PTK7: variants seen among roughly 807,000 people sequenced by gnomAD.
PTK7 encodes inactive tyrosine-protein kinase 7.
In PTK7, 39 loss-of-function variants were observed where a neutral mutation model predicts 116.6. The observed-to-expected ratio is 0.33, with a 90% CI of 0.26 to 0.44. The LOEUF (loss-of-function observed/expected upper bound fraction) is 0.44. Among genes scored for constraint, PTK7 ranks in the 20% least tolerant of loss-of-function variants. The pLI, the probability that PTK7 is intolerant of heterozygous loss-of-function variation, is 1.00. For missense variants in PTK7, 1,169 were observed against 1,425.6 expected (o/e 0.82, Z 2.90); for synonymous variants, 546 against 563.6 (o/e 0.97, Z 0.44).
At chr6:43,100,210 C>T (rs997407851) in intron 1 of PTK7, among the ~76,000 whole-genome samples, 3 of 151,786 alleles carry the variant, frequency 2.0e-5, no homozygotes, top group African/African-American at 4.8e-5. Context: ...AGTGAAACCC[C>T]GTCTCTACTA....
At chr6:43,138,688 G>A in intron 7 of PTK7, 161 bp from the exon 8 acceptor site, 1 of 984,388 alleles carries the variant, frequency 1.0e-6, no homozygotes. Flanking sequence ...TAAAAAAGGT[G>A]CTGGCACCTG....
intron 5 of PTK7, among the ~76,000 whole-genome samples, chr6:43,131,077 ACT>A (rs1769655553): frequency 7.0e-6 from 1 of 143,010 alleles, no homozygotes; most frequent in African/African-American, 2.7e-5. Flanking sequence ...ACACACACAC[ACT>A]TTTTAGAGGA....
intron 1 of PTK7, among the ~76,000 whole-genome samples, chr6:43,102,024 C>T (rs924825274): frequency 7.9e-5 from 12 of 151,588 alleles, no homozygotes; most frequent in African/African-American, 2.9e-4. Context: ...GGTGAGACCC[C>T]GTTTCTACTA....
At position 43,141,295 on chromosome 6, in the gene PTK7, G is replaced by A. The variant is rs745532698; in HGVS notation, c.1619-373G>A. 6.6e-6 allele frequency among the ~76,000 whole-genome samples: 1 copy of A among 152,144 alleles called. No individual in the cohort carries two copies. Among genetic ancestry groups the A allele is most frequent in the Non-Finnish European group, 1.5e-5 (1 of 68,038 alleles). On this transcript the variant is annotated intron_variant, in intron 10 of 19. Coordinates refer to ENST00000230419, the MANE Select transcript of PTK7 (RefSeq NM_002821.5). The surrounding 1 kb of genome is among the most constrained non-coding windows in gnomAD (Gnocchi z 4.9). ...AAGTAGGCTCCCTCTGCTCAGGTCT[G>A]GGGGAACTTTCTGGGAGAGGTGAGG...
chr6:43,114,322 G>A (rs1306446641), intron 1 of PTK7, among the ~76,000 whole-genome samples: 2 of 152,128 alleles, frequency 1.3e-5, no homozygotes, highest in African/African-American at 4.8e-5. Flanking sequence ...CTGTCTGCCA[G>A]GGCCTGGGTC....
chr6:43,102,402 G>A (rs1767634389), intron 1 of PTK7, among the ~76,000 whole-genome samples: 1 of 152,070 alleles, frequency 6.6e-6, no homozygotes, highest in Admixed American at 6.6e-5. Context: ...TCCAGCTTGG[G>A]CAACAGAGCA....
Position 43,076,532 on chromosome 6 carries a change from C to T in PTK7, c.44C>T (p.Pro15Leu), listed in dbSNP as rs574329102. 10 of 1,580,034 alleles carry T rather than the reference C, an allele frequency of 6.3e-6. No homozygotes were observed. The South Asian group carries it at 6.8e-5, about 11-fold the overall frequency. ...RGSPARPRRL[P>L]LLSVLLLPLL... ...TCCCCGGCCAGACCCCGCCGGTTGC[C>T]TCTGCTCAGCGTCCTGCTGCTGCCG... Residue 15 changes from proline (P) to leucine (L), a missense_variant, in exon 1 of 20, where the codon CCT becomes CTT. Physicochemically the swap from Pro to Leu is moderately conservative, Grantham distance 98. Coordinates refer to ENST00000230419, the MANE Select transcript of PTK7 (RefSeq NM_002821.5). This position sits in a 1 kb window ranked among gnomAD's most constrained non-coding sequence, Gnocchi z 5.7.
At position 43,129,795 on chromosome 6, in the gene PTK7, G is replaced by C. The variant is rs201897432; in HGVS notation, c.436G>C (p.Val146Leu). 2 of 1,614,106 alleles carry C rather than the reference G, an allele frequency of 1.2e-6. No homozygotes were observed. Among genetic ancestry groups the C allele is most frequent in the Non-Finnish European group, 1.7e-6 (2 of 1,180,044 alleles). Residue 146 changes from valine to leucine, a missense_variant, in exon 3 of 20, where the codon GTC becomes CTC. Val to Leu is a conservative substitution (Grantham distance 32). Coordinates refer to ENST00000230419, the MANE Select transcript of PTK7 (RefSeq NM_002821.5). The surrounding 1 kb of genome is among the most constrained non-coding windows in gnomAD (Gnocchi z 4.5). ...AGCTGAGATCCAGCCACAGACCCAG[G>C]TCACACTTCGTTGCCACATTGATGG... Reference protein sequence around the residue: ...SEAEIQPQTQVTLRCHIDGHP... With the variant: ...SEAEIQPQTQLTLRCHIDGHP...
chr6:43,096,231 C>T (rs1050924993), intron 1 of PTK7, among the ~76,000 whole-genome samples: 8 of 152,210 alleles, frequency 5.3e-5, no homozygotes, highest in African/African-American at 1.9e-4. Flanking sequence ...CCCCCTGAGC[C>T]TCAGGTTGGA....
intron 17 of PTK7, among the ~76,000 whole-genome samples, chr6:43,157,173 T>G (rs1036485189): frequency 6.1e-5 from 9 of 148,332 alleles, no homozygotes; most frequent in African/African-American, 1.2e-4. Context: ...TTGTGGTTTT[T>G]TTTTTTTTTT....
At chr6:43,103,156 G>A (rs1767675969) in intron 1 of PTK7, among the ~76,000 whole-genome samples, 1 of 152,122 alleles carries the variant, frequency 6.6e-6, no homozygotes, top group South Asian at 2.1e-4. Context: ...TCCATTCACA[G>A]AATCAATAAA....
At chr6:43,113,356 C>T (rs1768296221) in intron 1 of PTK7, among the ~76,000 whole-genome samples, 1 of 152,032 alleles carries the variant, frequency 6.6e-6, no homozygotes, top group Non-Finnish European at 1.5e-5. Flanking sequence ...TCACTTGAGC[C>T]CAGGAGGCAG....
chr6:43,151,915 G>T (rs1771129417), intron 17 of PTK7, among the ~76,000 whole-genome samples: 1 of 143,958 alleles, frequency 6.9e-6, no homozygotes, highest in Non-Finnish European at 1.5e-5. Context: ...CGGGATCTCG[G>T]CTCACTGCAA....
intron 1 of PTK7, among the ~76,000 whole-genome samples, chr6:43,079,980 G>A (rs1209991656): frequency 6.7e-6 from 1 of 149,736 alleles, no homozygotes. Context: ...AGTATTGCCT[G>A]AGCCCAGCAG....
At chr6:43,157,333 TA>T in intron 17 of PTK7, among the ~76,000 whole-genome samples, 1 of 824 alleles carries the variant, frequency 1.2e-3, no homozygotes, top group Non-Finnish European at 3.2e-3. Flanking sequence ...ACGCTATATA[TA>T]TATATATATA....
Position 43,142,002 on chromosome 6 carries a change from G to C in PTK7, c.1840G>C (p.Glu614Gln). 2.5e-6 allele frequency: 4 copies of C among 1,613,836 alleles called. No individual in the cohort carries two copies. The highest frequency in any genetic ancestry group is 3.4e-6 in the Non-Finnish European group (4 of 1,179,980). The change falls in exon 12 of 20, where the codon GAG (glutamate) becomes CAG (glutamine). Residue 614 changes from glutamate to glutamine, a missense_variant. By Grantham distance (29) the Glu-to-Gln change is conservative. Coordinates refer to ENST00000230419, the MANE Select transcript of PTK7 (RefSeq NM_002821.5). The stretch of plus-strand genomic sequence containing the variant: ...GGGCCACACAGCCCTACTGCAGTGC[G>C]AGGCCCAGGGGGACCCCAAGCCGCT... The part of the protein sequence containing the change: ...YQGHTALLQC[E>Q]AQGDPKPLIQ...
rs181169917 is a variant in PTK7 at position 43,120,534 on chromosome 6, C to T, written c.80-8443C>T. Among the ~76,000 whole-genome samples, 285 of 152,304 alleles carry T rather than the reference C, an allele frequency of 1.9e-3. 2 individuals are homozygous for T. Among genetic ancestry groups the T allele is most frequent in the African/African-American group, 6.5e-3 (272 of 41,558 alleles). ...GTTTGCAGCCCCCAGCTGCCTCAGACCCCACACACCTGCTGTTTGTTAGGT... is the reference window on the plus strand; with the variant it reads ...GTTTGCAGCCCCCAGCTGCCTCAGATCCCACACACCTGCTGTTTGTTAGGT... On this transcript the variant is annotated intron_variant, in intron 1 of 19. Transcript: ENST00000230419.
At chr6:43,122,779 G>T (rs1769040269) in intron 1 of PTK7, among the ~76,000 whole-genome samples, 1 of 151,970 alleles carries the variant, frequency 6.6e-6, no homozygotes, top group Non-Finnish European at 1.5e-5. Flanking sequence ...GCTAATTTTT[G>T]TATTTTTAGT....
chr6:43,138,716 A>G, intron 7 of PTK7, 133 bp from the exon 8 acceptor site: 1 of 1,296,710 alleles, frequency 7.7e-7, no homozygotes, highest in Non-Finnish European at 1.0e-6. Flanking sequence ...CGTAAAGGGA[A>G]ACTCCTGCCA....
Sources: gnomAD v4.1 joint callset for allele counts (sites outside exome capture counted in the v4.1 genomes callset) on GRCh38, gnomAD v4.1.1 for gene constraint, Gnocchi (gnomAD v3.1) non-coding constraint, MANE v1.5 for transcripts, NCBI Gene and HGNC (gene_info 2026-07-23, HGNC 2026-07-21) for gene names.